The following AOPEP variants were observed in gnomAD, a reference collection of about 807,000 sequenced individuals.
AOPEP encodes aminopeptidase O.
In AOPEP, 77 loss-of-function variants were observed where a neutral mutation model predicts 98.1. The ratio of observed to expected loss-of-function variants is 0.78; its 90% CI spans 0.65 to 0.95. AOPEP has a LOEUF of 0.95. Ranked by LOEUF, AOPEP falls within the 40% of genes least tolerant of loss-of-function variation. The pLI, the probability that AOPEP is intolerant of heterozygous loss-of-function variation, is 0.00. For synonymous variants in AOPEP, 346 were observed against 365.3 expected (o/e 0.95, Z 0.60); for missense variants, 1,024 against 1,024.7 (o/e 1.00, Z 0.01).
chr9:94,989,608 ACTT>A (rs2060758717), intron 11 of AOPEP, among the ~76,000 whole-genome samples: 1 of 129,092 alleles, frequency 7.7e-6, no homozygotes, highest in South Asian at 2.5e-4. Context: ...AGTAACCCAA[ACTT>A]TTTTTTTTTT....
At chr9:95,144,536 T>C in the AOPEP span, among the ~76,000 whole-genome samples, 1 of 152,152 alleles carries the variant, frequency 6.6e-6, no homozygotes, top group Non-Finnish European at 1.5e-5. Flanking sequence ...CAGTGATTTC[T>C]CAAACAGCTT....
intron 12 of AOPEP, 127 bp from the exon 13 acceptor site, chr9:95,005,414 CG>C (rs2061928256): frequency 1.0e-6 from 1 of 1,003,836 alleles, no homozygotes; most frequent in South Asian, 1.4e-5. Flanking sequence ...CGCGGGCGGG[CG>C]CGGGTGGCCT....
chr9:95,056,015 CT>C (rs748848463), intron 13 of AOPEP, among the ~76,000 whole-genome samples: 1 of 152,114 alleles, frequency 6.6e-6, no homozygotes, highest in Non-Finnish European at 1.5e-5. Context: ...AAGAATTGAT[CT>C]TTCTGTGTGT....
At position 94,773,150 on chromosome 9, in the gene AOPEP, CCAA is replaced by C; in HGVS notation, c.948_950del (p.Thr317del). On this transcript the variant is annotated inframe_deletion, in exon 3 of 17. Transcript: ENST00000375315. ...AATGAGTGGGGAAAATTCTGCCAAA[CCAA>C]CGCAGCTTTGGGAAGGTACTGTACA... 1 of 1,613,934 alleles carries C rather than the reference CCAA, an allele frequency of 6.2e-7. No homozygotes were observed. Among genetic ancestry groups the C allele is most frequent in the Non-Finnish European group, 8.5e-7 (1 of 1,179,948 alleles).
chr9:94,933,823 C>G lies in AOPEP; in HGVS notation c.1661+5292C>G, dbSNP rs148343047. ...AGTGCAGTGGCGCAATCTCAGCTCA[C>G]TGCAAGCTCCGCCTCCCATGTTCAC... On this transcript the variant is annotated intron_variant, in intron 7 of 16. Coordinates refer to ENST00000375315, the MANE Select transcript of AOPEP (RefSeq NM_001193329.3). 700 of 281,168 alleles carry G rather than the reference C, an allele frequency of 2.5e-3. 3 individuals are homozygous for G. Among genetic ancestry groups the G allele is most frequent in the African/African-American group, 0.015 (654 of 43,674 alleles). The allele number at this position is 281,168 out of a possible 1,614,324, so 17.4% of individuals were successfully genotyped here.
intron 2 of AOPEP, among the ~76,000 whole-genome samples, chr9:94,768,769 T>C (rs920290009): frequency 2.0e-5 from 3 of 152,190 alleles, no homozygotes; most frequent in African/African-American, 7.2e-5. Context: ...TTCCATACAA[T>C]TGGGTATTCC....
intron 15 of AOPEP, among the ~76,000 whole-genome samples, chr9:95,082,204 G>A (rs1018242067): frequency 2.0e-5 from 3 of 152,152 alleles, no homozygotes; most frequent in African/African-American, 2.4e-5. Context: ...CAGGAGTCCC[G>A]TGTCTGTAAT....
At chr9:94,963,044 A>G (rs2058961420) in intron 9 of AOPEP, among the ~76,000 whole-genome samples, 1 of 152,156 alleles carries the variant, frequency 6.6e-6, no homozygotes, top group Non-Finnish European at 1.5e-5. Flanking sequence ...GCATCCAGCC[A>G]ATATTATCAT....
At chr9:95,016,056 C>A (rs558248390) in intron 13 of AOPEP, among the ~76,000 whole-genome samples, 2 of 152,010 alleles carry the variant, frequency 1.3e-5, no homozygotes, top group Admixed American at 1.3e-4. Context: ...AGTGCCACAG[C>A]AAGTTTAGGC....
intron 2 of AOPEP, among the ~76,000 whole-genome samples, chr9:94,766,996 C>A (rs2584806): frequency 0.68 from 102,992 of 151,828 alleles, 35,816 homozygotes; most frequent in African/African-American, 0.83. Context: ...GTTCTTCCTC[C>A]CCCCTCCCCC....
intron 5 of AOPEP, among the ~76,000 whole-genome samples, chr9:94,845,451 A>T (rs1303008460): frequency 6.6e-6 from 1 of 152,188 alleles, no homozygotes; most frequent in Non-Finnish European, 1.5e-5. Context: ...GGTTTTAAGT[A>T]AGGAGTAACA....
At chr9:94,848,238 G>A (rs931150984) in intron 5 of AOPEP, among the ~76,000 whole-genome samples, 3 of 152,016 alleles carry the variant, frequency 2.0e-5, no homozygotes, top group South Asian at 4.1e-4. Flanking sequence ...GGGTCACAAG[G>A]TCAGGAGGTC....
chr9:95,043,292 C>G (rs2065525912), intron 13 of AOPEP, among the ~76,000 whole-genome samples: 2 of 148,014 alleles, frequency 1.4e-5, no homozygotes, highest in South Asian at 4.2e-4. Context: ...ACAGATACAT[C>G]TGTATATGCA....
intron 5 of AOPEP, among the ~76,000 whole-genome samples, chr9:94,859,490 T>C (rs944806839): frequency 1.3e-5 from 2 of 152,218 alleles, no homozygotes; most frequent in African/African-American, 4.8e-5. Flanking sequence ...AAGATCCTTA[T>C]TAACTTCATT....
At chr9:95,035,596 G>A (rs558528911) in intron 13 of AOPEP, among the ~76,000 whole-genome samples, 22 of 123,700 alleles carry the variant, frequency 1.8e-4, no homozygotes, top group African/African-American at 5.6e-4. Context: ...TCGACTCACC[G>A]CAACCTCCGG....
At chr9:94,731,379 C>T (rs997181524) in intron 1 of AOPEP, among the ~76,000 whole-genome samples, 1 of 152,260 alleles carries the variant, frequency 6.6e-6, no homozygotes, top group East Asian at 1.9e-4. Flanking sequence ...AGGCGTCCGC[C>T]ACCATGCCCG....
At chr9:94,902,998 G>C (rs75811707) in intron 5 of AOPEP, among the ~76,000 whole-genome samples, 1 of 148,530 alleles carries the variant, frequency 6.7e-6, no homozygotes, top group Admixed American at 6.7e-5. Flanking sequence ...TTTTTTTTTT[G>C]AAGACAGAGT....
intron 2 of AOPEP, among the ~76,000 whole-genome samples, chr9:94,763,805 A>G (rs1214586443): frequency 6.6e-6 from 1 of 152,258 alleles, no homozygotes; most frequent in Non-Finnish European, 1.5e-5. Context: ...AAACATATCA[A>G]GTAGTTTCGA....
In AOPEP at chr9:94,861,908, C is replaced by T. The variant is rs573794518; in HGVS notation, c.1364+60906C>T. 9.2e-5 allele frequency among the ~76,000 whole-genome samples: 14 copies of T among 152,298 alleles called. No individual in the cohort carries two copies. In the East Asian group the frequency reaches 1.2e-3, roughly 13 times the overall value. On this transcript the variant is annotated intron_variant, in intron 5 of 16. Transcript: ENST00000375315. ...GCACTACGTCTTTCATGAGGCTAGA[C>T]GGTGCTCTTCTTGTCCTCAGAGTTG...
Sources: gnomAD v4.1 joint callset for allele counts (sites outside exome capture counted in the v4.1 genomes callset) on GRCh38, gnomAD v4.1.1 for gene constraint, MANE v1.5 for transcripts, NCBI Gene and HGNC (gene_info 2026-07-23, HGNC 2026-07-21) for gene names.